VRK2: variants seen among roughly 807,000 people sequenced by gnomAD.
The protein encoded by VRK2 is serine/threonine-protein kinase VRK2.
Under a neutral mutation model 57.6 loss-of-function variants are expected in VRK2, and 60 were observed. The ratio of observed to expected loss-of-function variants is 1.04; its 90% CI spans 0.85 to 1.29. The LOEUF (loss-of-function observed/expected upper bound fraction) is 1.29, where lower values mean the gene tolerates loss of function less well. Ranked by LOEUF, VRK2 falls within the 50% of genes most tolerant of loss-of-function variation. The probability of loss-of-function intolerance (pLI) is 0.00; values close to 1 mark genes in which losing one functional copy is unlikely to be tolerated. For synonymous variants in VRK2, 231 were observed against 199.2 expected, an observed-to-expected ratio of 1.16 and a Z score of -1.35; for missense variants, 705 against 588.1, an observed-to-expected ratio of 1.20 and a Z score of -2.06.
At chr2:57,967,708 T>C (rs994847314) in intron 1 of VRK2, among the ~76,000 whole-genome samples, 2 of 152,166 alleles carry the variant, frequency 1.3e-5, no homozygotes, top group Admixed American at 6.5e-5. Flanking sequence ...AACTTATCTA[T>C]ATAAGAAGGA....
At chr2:58,062,868 A>G (rs907238150) in intron 2 of VRK2, among the ~76,000 whole-genome samples, 7 of 152,112 alleles carry the variant, frequency 4.6e-5, no homozygotes, top group African/African-American at 1.7e-4. Context: ...ATCAATGATG[A>G]AGGTGGTTAC....
chr2:57,960,258 C>A (rs1312399877), intron 1 of VRK2, among the ~76,000 whole-genome samples: 1 of 152,112 alleles, frequency 6.6e-6, no homozygotes, highest in African/African-American at 2.4e-5. Context: ...GAAGACAAAA[C>A]ACCTGCCAGA....
At chr2:57,982,315 C>A (rs1672445457) in intron 1 of VRK2, among the ~76,000 whole-genome samples, 2 of 152,164 alleles carry the variant, frequency 1.3e-5, no homozygotes, top group South Asian at 2.1e-4. Flanking sequence ...GGGCTGCTGG[C>A]AAAAGTGCTC....
intron 4 of VRK2, 105 bp from the exon 5 acceptor site, chr2:58,086,234 G>A: frequency 1.1e-6 from 1 of 939,404 alleles, no homozygotes; most frequent in South Asian, 1.6e-5. Flanking sequence ...CTTCTAGGAA[G>A]ATCTAATTAC....
At chr2:58,119,116 C>G (rs1010576720) in intron 7 of VRK2, among the ~76,000 whole-genome samples, 1 of 152,144 alleles carries the variant, frequency 6.6e-6, no homozygotes, top group Non-Finnish European at 1.5e-5. Flanking sequence ...TTGGCTTGGG[C>G]TCAGAGGCCT....
In VRK2 at chr2:58,108,910, C is replaced by A. The variant is rs1038613427; in HGVS notation, c.544-14191C>A. ...TATTTGTTTTACATAGATCACCTAC[C>A]CTTACTCATCCTTTTTTCTCATTCT... is the stretch of plus-strand genomic sequence containing the variant. On this transcript the variant is annotated intron_variant, in intron 7 of 12. Transcript: ENST00000340157. Among the ~76,000 whole-genome samples the A allele has an allele frequency of 9.2e-5, 14 of 152,210 alleles. 1 individual carries two copies. The highest frequency in any genetic ancestry group is 9.2e-4 in the Admixed American group (14 of 15,286).
intron 1 of VRK2, among the ~76,000 whole-genome samples, chr2:57,967,076 T>A (rs1049533636): frequency 1.3e-5 from 2 of 152,128 alleles, no homozygotes; most frequent in African/African-American, 4.8e-5. Flanking sequence ...TTAAGTTATA[T>A]CCTCAATTTG....
chr2:58,143,489 A>C (rs1270408808), intron 11 of VRK2, among the ~76,000 whole-genome samples: 1 of 151,970 alleles, frequency 6.6e-6, no homozygotes, highest in Non-Finnish European at 1.5e-5. Context: ...TTTGTTTAGT[A>C]GCTAGAAGTG....
chr2:58,132,150 TAA>T (rs1679298568), intron 9 of VRK2, among the ~76,000 whole-genome samples: 1 of 152,190 alleles, frequency 6.6e-6, no homozygotes. Context: ...GTGCAAAATA[TAA>T]AGTGAAATAT....
At chr2:58,089,821 G>T (rs1054619870) in intron 7 of VRK2, 98 bp downstream of exon 7, 2 of 770,356 alleles carry the variant, frequency 2.6e-6, no homozygotes, top group Non-Finnish European at 4.4e-6. Context: ...ACAAATGAGG[G>T]CGTAACATGA....
chr2:58,118,160 C>G (rs560882022), intron 7 of VRK2, among the ~76,000 whole-genome samples: 2 of 151,660 alleles, frequency 1.3e-5, no homozygotes, highest in South Asian at 4.2e-4. Context: ...GGTTCTTGCC[C>G]CTCCCCCAGA....
At chr2:57,919,482 C>T (rs917547604) in intron 1 of VRK2, among the ~76,000 whole-genome samples, 3 of 151,936 alleles carry the variant, frequency 2.0e-5, no homozygotes, top group Admixed American at 6.6e-5. Flanking sequence ...TTGGAGAATA[C>T]AGTAATAGTT....
At chr2:58,058,038 G>C (rs531623580) in intron 2 of VRK2, among the ~76,000 whole-genome samples, 1 of 152,206 alleles carries the variant, frequency 6.6e-6, no homozygotes, top group Admixed American at 6.6e-5. Context: ...AAGTGAAATA[G>C]AGTATTTAAA....
At chr2:58,112,148 A>G (rs72951080) in intron 7 of VRK2, among the ~76,000 whole-genome samples, 2,976 of 152,256 alleles carry the variant, frequency 0.02, 110 homozygotes, top group African/African-American at 0.068. Flanking sequence ...TTTGGAAGTC[A>G]TATCAGCCAG....
At chr2:57,993,428 G>T (rs1243067514) in intron 1 of VRK2, among the ~76,000 whole-genome samples, 8 of 151,726 alleles carry the variant, frequency 5.3e-5, no homozygotes, top group Non-Finnish European at 8.8e-5. Context: ...TAAGCAATGG[G>T]TAGCTCCTGA....
At chr2:57,921,296 ACACACACACACACACT>A (rs1416506487) in intron 1 of VRK2, among the ~76,000 whole-genome samples, 19 of 151,524 alleles carry the variant, frequency 1.3e-4, no homozygotes, top group African/African-American at 4.1e-4. Flanking sequence ...GCACACACAC[ACACACACACACACACT>A]CACACACACA....
rs1237296066 is a variant in VRK2 at position 58,159,377 on chromosome 2, AAG to A, written c.1214_1215del (p.Glu405ValfsTer7). On this transcript the variant is annotated frameshift_variant, in exon 13 of 13. Transcript: ENST00000340157. LOFTEE classifies it low-confidence loss of function (END_TRUNC). The stretch of plus-strand genomic sequence containing the variant: ...AGCACAAGGAGAAGACAGAAATATC[AAG>A]AGTCTCAAGAACCTTTGAATGAAGT... 1 of 1,610,470 alleles carries A rather than the reference AAG, an allele frequency of 6.2e-7. No individual in the cohort carries two copies. The highest frequency in any genetic ancestry group is 1.1e-5 in the South Asian group (1 of 90,498).
intron 1 of VRK2, among the ~76,000 whole-genome samples, chr2:57,987,432 G>C (rs559371460): frequency 6.6e-6 from 1 of 152,092 alleles, no homozygotes; most frequent in East Asian, 1.9e-4. Context: ...ATTAGGGAAA[G>C]GTAAATTAAA....
chr2:58,116,926 A>T (rs1048673302), intron 7 of VRK2, among the ~76,000 whole-genome samples: 18 of 152,120 alleles, frequency 1.2e-4, no homozygotes, highest in African/African-American at 3.1e-4. Context: ...GCTGCGGTTC[A>T]GGCGTTTGGA....
Sources: gnomAD v4.1 joint callset for allele counts (sites outside exome capture counted in the v4.1 genomes callset) on GRCh38, gnomAD v4.1.1 for gene constraint, MANE v1.5 for transcripts, NCBI Gene and HGNC (gene_info 2026-07-23, HGNC 2026-07-21) for gene names.